The following ERG variants were observed in gnomAD, a reference collection of about 807,000 sequenced individuals.
ERG encodes the protein transcriptional regulator ERG.
ERG carries 9 observed loss-of-function variants against 55.3 expected under a neutral mutation model. The ratio of observed to expected loss-of-function variants is 0.16; its 90% CI spans 0.10 to 0.28. ERG has a LOEUF of 0.28. Ranked by LOEUF, ERG falls within the 10% of genes least tolerant of loss-of-function variation. ERG has a pLI of 1.00. For missense variants in ERG, 434 were observed against 631.6 expected (o/e 0.69, Z 3.35); for synonymous variants, 223 against 237.3 (o/e 0.94, Z 0.55).
At chr21:38,481,032 C>T (rs2059233838) in intron 1 of ERG, among the ~76,000 whole-genome samples, 1 of 152,180 alleles carries the variant, frequency 6.6e-6, no homozygotes, top group African/African-American at 2.4e-5. Flanking sequence ...TCCTAGCTCT[C>T]TTAGGAGTTC....
chr21:38,591,351 T>C (rs1309952763), intron 1 of ERG, among the ~76,000 whole-genome samples: 1 of 152,166 alleles, frequency 6.6e-6, no homozygotes. Context: ...AGGGAGGATA[T>C]GCAAAGGGCA....
At chr21:38,435,162 G>A (rs534446026) in intron 2 of ERG, among the ~76,000 whole-genome samples, 60 of 152,276 alleles carry the variant, frequency 3.9e-4, no homozygotes, top group Middle Eastern at 3.4e-3. Flanking sequence ...TTCCAGGCCT[G>A]TCTCAAGTCT....
intron 5 of ERG, among the ~76,000 whole-genome samples, 167 bp downstream of exon 5, chr21:38,402,390 C>G (rs1988536192): frequency 6.6e-6 from 1 of 152,150 alleles, no homozygotes; most frequent in Non-Finnish European, 1.5e-5. Flanking sequence ...CAAAGGGCTT[C>G]ACCTTCCTTT....
intron 1 of ERG, among the ~76,000 whole-genome samples, chr21:38,488,589 C>T (rs1211471636): frequency 6.6e-6 from 1 of 152,148 alleles, no homozygotes; most frequent in Admixed American, 6.5e-5. Context: ...AATTTAGTAA[C>T]TGCTGTAAAA....
intron 1 of ERG, among the ~76,000 whole-genome samples, chr21:38,449,524 A>G (rs2058921819): frequency 6.6e-6 from 1 of 152,216 alleles, no homozygotes; most frequent in Non-Finnish European, 1.5e-5. Flanking sequence ...GTTATATTTC[A>G]TATTATAACT....
upstream of ERG, among the ~76,000 whole-genome samples, chr21:38,586,806 A>G (rs2060068397): frequency 6.6e-6 from 1 of 152,254 alleles, no homozygotes; most frequent in African/African-American, 2.4e-5. Context: ...AAAATGGAAA[A>G]TGAAATCGGT....
At chr21:38,603,279 G>C (rs917775216) in intron 1 of ERG, among the ~76,000 whole-genome samples, 1 of 151,996 alleles carries the variant, frequency 6.6e-6, no homozygotes, top group South Asian at 2.1e-4. Flanking sequence ...TCTAGCAGTG[G>C]CCATATTTGA....
rs1987377519 is a variant in ERG, at chr21:38,380,534, T to C, written c.*2869A>G. 9.4e-7 allele frequency: 1 copy of C among 1,065,636 alleles called. No homozygotes were observed. The highest frequency in any genetic ancestry group is 1.1e-6 in the Non-Finnish European group (1 of 879,598). 66.0% of individuals were successfully genotyped at this position (1,065,636 alleles called of 1,614,324 possible). A position where few individuals can be genotyped will look rare whatever the true frequency, so the allele number is the denominator to read the frequency against. On this transcript the variant is annotated 3_prime_UTR_variant, in exon 10 of 10. Coordinates refer to ENST00000288319, the MANE Select transcript of ERG (RefSeq NM_182918.4). ...GTAAGATTGTACAGGAGTCTGAGTA[T>C]ACATCAGGGCAAGCCAAGAGACAGG...
intron 2 of ERG, among the ~76,000 whole-genome samples, chr21:38,438,890 G>A (rs553138466): frequency 3.9e-5 from 6 of 152,318 alleles, no homozygotes; most frequent in African/African-American, 1.2e-4. Context: ...CAAACACAGC[G>A]TGCTGGGCTG....
At chr21:38,563,429 G>T (rs1440192921) in intron 2 of ERG, among the ~76,000 whole-genome samples, 1 of 152,236 alleles carries the variant, frequency 6.6e-6, no homozygotes, top group Non-Finnish European at 1.5e-5. Flanking sequence ...TGTGGTATAT[G>T]CTCAAGTCTG....
At chr21:38,549,194 A>G (rs1271218520) in intron 2 of ERG, among the ~76,000 whole-genome samples, 1 of 152,134 alleles carries the variant, frequency 6.6e-6, no homozygotes, top group Non-Finnish European at 1.5e-5. Context: ...AATCTCCGGG[A>G]TTGGGGCACA....
intron 1 of ERG, among the ~76,000 whole-genome samples, chr21:38,579,427 C>T (rs542238551): frequency 6.6e-6 from 1 of 152,188 alleles, no homozygotes; most frequent in East Asian, 1.9e-4. Context: ...AGATATGAAG[C>T]GGTCAGTCCT....
At chr21:38,527,981 C>T (rs920111302) in intron 2 of ERG, among the ~76,000 whole-genome samples, 1 of 152,166 alleles carries the variant, frequency 6.6e-6, no homozygotes, top group Admixed American at 6.5e-5. Flanking sequence ...GCTCTGAGGT[C>T]GAAAGTCCAA....
chr21:38,436,900 T>TG (rs1178835725), intron 2 of ERG, among the ~76,000 whole-genome samples: 1 of 27,338 alleles, frequency 3.7e-5, no homozygotes, highest in African/African-American at 1.7e-4. Context: ...TCTTTCTCTC[T>TG]TTTTTTTTTT....
At chr21:38,424,228 C>CA (rs1989713244) in intron 2 of ERG, among the ~76,000 whole-genome samples, 1 of 150,800 alleles carries the variant, frequency 6.6e-6, no homozygotes, top group Non-Finnish European at 1.5e-5. Context: ...CTCTCTCTGC[C>CA]ATGTAAGGGC....
chr21:38,612,475 C>T (rs1019854305), intron 1 of ERG, among the ~76,000 whole-genome samples: 11 of 151,954 alleles, frequency 7.2e-5, no homozygotes, highest in African/African-American at 2.7e-4. Flanking sequence ...TATGTGTGAT[C>T]AACAAATTTA....
chr21:38,606,810 A>G (rs1010029375), intron 1 of ERG, among the ~76,000 whole-genome samples: 1 of 152,190 alleles, frequency 6.6e-6, no homozygotes, highest in Non-Finnish European at 1.5e-5. Flanking sequence ...AGAGATGTTA[A>G]GGAGTGTGGA....
At position 38,429,462 on chromosome 21, in the gene ERG, T is replaced by C. The variant is rs531694688; in HGVS notation, c.237-5901A>G. ...GTATACACGTGTACACATGTACATATACACATATGTGTATATACATGTATG... is the reference window on the plus strand; with the variant it reads ...GTATACACGTGTACACATGTACATACACACATATGTGTATATACATGTATG... On this transcript the variant is annotated intron_variant, in intron 2 of 9. Coordinates refer to ENST00000288319, the MANE Select transcript of ERG (RefSeq NM_182918.4). 1.3e-5 allele frequency among the ~76,000 whole-genome samples: 2 copies of C among 148,414 alleles called. 1 individual carries two copies. The highest frequency in any genetic ancestry group is 3.0e-5 in the Non-Finnish European group (2 of 67,510).
At chr21:38,455,375 G>T (rs946692542) in intron 1 of ERG, among the ~76,000 whole-genome samples, 5 of 152,036 alleles carry the variant, frequency 3.3e-5, no homozygotes, top group Non-Finnish European at 7.4e-5. Context: ...GTGATTCAAG[G>T]CTTGAGAAAC....
Sources: allele counts gnomAD v4.1 joint callset (sites outside exome capture counted in the v4.1 genomes callset), GRCh38; gene constraint gnomAD v4.1.1; transcripts MANE v1.5; gene names NCBI Gene and HGNC (gene_info 2026-07-23, HGNC 2026-07-21).